The following LARGE1 variants were observed in gnomAD, a reference collection of about 807,000 sequenced individuals.
LARGE1 encodes LARGE xylosyl- and glucuronyltransferase 1.
LARGE1 carries 43 observed loss-of-function variants against 87.6 expected under a neutral mutation model. The ratio of observed to expected loss-of-function variants is 0.49; its 90% CI spans 0.38 to 0.63. The LOEUF (loss-of-function observed/expected upper bound fraction) is 0.63. LARGE1 is among the 30% of genes least tolerant of loss of function. The probability of loss-of-function intolerance (pLI) is 0.00; values close to 1 mark genes in which losing one functional copy is unlikely to be tolerated. For synonymous variants in LARGE1, 434 were observed against 394.6 expected (o/e 1.10, Z -1.18); for missense variants, 802 against 1,000.2 (o/e 0.80, Z 2.67).
intron 12 of LARGE1, among the ~76,000 whole-genome samples, chr22:33,296,192 G>A (rs555082345): frequency 4.5e-4 from 69 of 152,290 alleles, no homozygotes; most frequent in Middle Eastern, 3.4e-3. Context: ...GGGGATCACG[G>A]GGGCCTGGCA....
At chr22:33,772,724 T>C (rs964076075) in intron 1 of LARGE1, among the ~76,000 whole-genome samples, 1 of 152,224 alleles carries the variant, frequency 6.6e-6, no homozygotes, top group Non-Finnish European at 1.5e-5. Context: ...AATTATTTGA[T>C]TGATTACTTG....
At chr22:33,190,020 T>C (rs2146189154) in intron 11 of LARGE1, among the ~76,000 whole-genome samples, 1 of 152,342 alleles carries the variant, frequency 6.6e-6, no homozygotes, top group East Asian at 1.9e-4. Flanking sequence ...GGATTATCCA[T>C]GCTCATACTT....
intron 6 of LARGE1, among the ~76,000 whole-genome samples, chr22:33,545,473 G>C (rs758001028): frequency 6.8e-6 from 1 of 146,532 alleles, no homozygotes; most frequent in African/African-American, 2.6e-5. Context: ...TTGGAGTCTC[G>C]CTCTGTTGCC....
At chr22:33,665,527 GATGA>G (rs1408693670) in intron 2 of LARGE1, among the ~76,000 whole-genome samples, 2 of 152,190 alleles carry the variant, frequency 1.3e-5, no homozygotes, top group African/African-American at 2.4e-5. Context: ...ACTTTGGCGG[GATGA>G]ATGTCATACA....
In LARGE1 at chr22:33,464,145, T is replaced by C. The variant is rs75731586; in HGVS notation, c.788-31880A>G. ...CCAATGGAACTTATTCATTCATATA[T>C]AGGAACTTGATCTGTGACAAATAAG... On this transcript the variant is annotated intron_variant, in intron 6 of 14. Coordinates refer to ENST00000397394, the MANE Select transcript of LARGE1 (RefSeq NM_133642.5). 5.8e-3 allele frequency among the ~76,000 whole-genome samples: 882 copies of C among 152,234 alleles called. 5 individuals are homozygous for C. The highest frequency in any genetic ancestry group is 0.02 in the African/African-American group (822 of 41,540).
At chr22:33,240,263 C>A (rs976752553) in intron 11 of LARGE1, among the ~76,000 whole-genome samples, 7 of 152,148 alleles carry the variant, frequency 4.6e-5, no homozygotes, top group Admixed American at 6.5e-5. Flanking sequence ...ATAACATTTG[C>A]ATATTTCTAA....
chr22:33,524,525 T>C (rs1453266899), intron 6 of LARGE1, among the ~76,000 whole-genome samples: 1 of 151,974 alleles, frequency 6.6e-6, no homozygotes, highest in Non-Finnish European at 1.5e-5. Context: ...ACATAACGTC[T>C]CACCCCTCAT....
At chr22:33,435,535 C>A (rs2067236986) in intron 6 of LARGE1, among the ~76,000 whole-genome samples, 1 of 152,084 alleles carries the variant, frequency 6.6e-6, no homozygotes, top group South Asian at 2.1e-4. Flanking sequence ...CCTCATAAAT[C>A]ATTTCACCCT....
At position 33,423,804 on chromosome 22, in the gene LARGE1, G is replaced by A. The variant is rs141203785; in HGVS notation, c.892+8357C>T. On this transcript the variant is annotated intron_variant, in intron 7 of 14. Transcript: ENST00000397394. ...TACAAATATGGGGCAAGGACACTGG[G>A]TGAAGGAACAGAAGGCATTTTTAGT... is the stretch of plus-strand genomic sequence containing the variant. Among the ~76,000 whole-genome samples the A allele has an allele frequency of 8.8e-3, 1,335 of 152,282 alleles. 14 individuals carry two copies. The highest frequency in any genetic ancestry group is 0.012 in the Non-Finnish European group (783 of 68,026).
chr22:33,774,322 TA>T (rs899233801), intron 1 of LARGE1, among the ~76,000 whole-genome samples: 5 of 151,196 alleles, frequency 3.3e-5, no homozygotes, highest in East Asian at 1.9e-4. Context: ...AAAAAAGGGT[TA>T]AAAAAAATAG....
chr22:33,450,928 C>T (rs9609802), intron 6 of LARGE1, among the ~76,000 whole-genome samples: 33,726 of 152,050 alleles, frequency 0.22, 3,931 homozygotes, highest in Non-Finnish European at 0.24. Context: ...AGAGCCTTCT[C>T]ATCCAACACC....
At chr22:33,475,056 G>A (rs953218283) in intron 6 of LARGE1, among the ~76,000 whole-genome samples, 3 of 152,144 alleles carry the variant, frequency 2.0e-5, no homozygotes, top group South Asian at 2.1e-4. Context: ...GCACCAGGGA[G>A]GGGGAGCCAG....
At chr22:33,709,768 G>A (rs2082673389) in intron 2 of LARGE1, among the ~76,000 whole-genome samples, 3 of 151,752 alleles carry the variant, frequency 2.0e-5, no homozygotes, top group Non-Finnish European at 4.4e-5. Context: ...TGGGATTACA[G>A]GCATGCGCCA....
At chr22:33,643,348 T>C (rs2080503887) in intron 3 of LARGE1, among the ~76,000 whole-genome samples, 2 of 152,064 alleles carry the variant, frequency 1.3e-5, no homozygotes, top group South Asian at 4.1e-4. Context: ...CTGAAACCAA[T>C]GAGAACAAAG....
intron 2 of LARGE1, among the ~76,000 whole-genome samples, chr22:33,700,046 C>T (rs978070471): frequency 4.6e-5 from 7 of 152,176 alleles, no homozygotes; most frequent in African/African-American, 7.2e-5. Context: ...CTGTCCTTAA[C>T]GAGTACATAG....
intron 6 of LARGE1, among the ~76,000 whole-genome samples, chr22:33,445,244 A>G (rs546978352): frequency 2.2e-4 from 34 of 152,268 alleles, no homozygotes; most frequent in African/African-American, 7.7e-4. Context: ...TCACATTGTG[A>G]GGTGACAAGG....
At chr22:33,858,441 G>C (rs912712201) in intron 1 of LARGE1, among the ~76,000 whole-genome samples, 4 of 152,204 alleles carry the variant, frequency 2.6e-5, no homozygotes, top group Non-Finnish European at 5.9e-5. Context: ...TTGCTGGCTC[G>C]AATGCCTGGG....
chr22:33,395,089 C>T (rs772423592), intron 7 of LARGE1, among the ~76,000 whole-genome samples: 38 of 152,024 alleles, frequency 2.5e-4, no homozygotes, highest in African/African-American at 5.3e-4. Context: ...ATTAGCCGGG[C>T]GTGGTGGCGG....
chr22:33,395,040 C>T lies in LARGE1; in HGVS notation c.893-10736G>A, dbSNP rs1266465723. Among the ~76,000 whole-genome samples the T allele has an allele frequency of 5.3e-5, 8 of 151,942 alleles. No individual in the cohort carries two copies. The South Asian group carries it at 6.3e-4, about 12-fold the overall frequency. On this transcript the variant is annotated intron_variant, in intron 7 of 14. Transcript: ENST00000397394. ...AGGAGATTGAGACCATCCTGGCTAACACACGGTGAAACCCCGTCTCTACTA... is the reference window on the plus strand; with the variant it reads ...AGGAGATTGAGACCATCCTGGCTAATACACGGTGAAACCCCGTCTCTACTA...
Sources: allele counts gnomAD v4.1 joint callset (sites outside exome capture counted in the v4.1 genomes callset), GRCh38; gene constraint gnomAD v4.1.1; transcripts MANE v1.5; gene names NCBI Gene and HGNC (gene_info 2026-07-23, HGNC 2026-07-21).